The following BTRC variants were observed in gnomAD, a reference collection of about 807,000 sequenced individuals.
The protein encoded by BTRC is F-box/WD repeat-containing protein 1A.
In BTRC, 42 loss-of-function variants were observed where a neutral mutation model predicts 85.5. That is an observed-to-expected ratio of 0.49 (90% confidence interval 0.38 to 0.64). BTRC has a LOEUF of 0.64. Ranked by LOEUF, BTRC falls within the 30% of genes least tolerant of loss-of-function variation. BTRC has a pLI of 0.00. For synonymous variants in BTRC, 255 were observed against 263.3 expected (o/e 0.97, Z 0.30); for missense variants, 594 against 743.5 (o/e 0.80, Z 2.34).
At chr10:101,398,758 T>C (rs1368787319) in intron 1 of BTRC, among the ~76,000 whole-genome samples, 4 of 152,162 alleles carry the variant, frequency 2.6e-5, no homozygotes, top group Non-Finnish European at 4.4e-5. Context: ...TGTAAACTCG[T>C]CAGTTATAAG....
intron 1 of BTRC, among the ~76,000 whole-genome samples, chr10:101,413,812 T>C (rs1943849942): frequency 6.6e-6 from 1 of 152,240 alleles, no homozygotes; most frequent in South Asian, 2.1e-4. Flanking sequence ...ATTTCAACTT[T>C]CGTGTTTTTT....
At chr10:101,531,376 A>T (rs1206283266) in intron 7 of BTRC, 43 bp downstream of exon 7, 8 of 1,396,124 alleles carry the variant, frequency 5.7e-6, no homozygotes, top group Non-Finnish European at 7.1e-6. Flanking sequence ...AGGGCACAGA[A>T]TTATCAGCAT....
At chr10:101,523,830 A>G (rs193224182) in intron 5 of BTRC, among the ~76,000 whole-genome samples, 13 of 152,302 alleles carry the variant, frequency 8.5e-5, no homozygotes, top group Admixed American at 2.0e-4. Context: ...TGAAGCACAT[A>G]TTATTTAACC....
chr10:101,512,661 A>G (rs982523401), intron 4 of BTRC, among the ~76,000 whole-genome samples: 1 of 152,210 alleles, frequency 6.6e-6, no homozygotes, highest in African/African-American at 2.4e-5. Context: ...CTCCTGGCCC[A>G]GGCTGCAGCT....
intron 1 of BTRC, chr10:101,354,447 G>C (rs2134450017): frequency 1.8e-6 from 1 of 550,542 alleles, no homozygotes; most frequent in African/African-American, 2.0e-5. Context: ...TTGTGGATGA[G>C]AGGCCAAGTG....
chr10:101,375,072 AC>A (rs1942754462), intron 1 of BTRC, among the ~76,000 whole-genome samples: 1 of 152,060 alleles, frequency 6.6e-6, no homozygotes, highest in Non-Finnish European at 1.5e-5. Context: ...ACGCAGGGGA[AC>A]TTAGCAAGGG....
intron 1 of BTRC, among the ~76,000 whole-genome samples, chr10:101,385,207 GA>G (rs113587011): frequency 2.7e-5 from 4 of 148,264 alleles, no homozygotes; most frequent in Non-Finnish European, 4.5e-5. Flanking sequence ...CTAAAAAAAA[GA>G]AAAAAAAAAT....
intron 1 of BTRC, among the ~76,000 whole-genome samples, chr10:101,417,028 A>G (rs572446667): frequency 3.3e-5 from 5 of 151,852 alleles, no homozygotes; most frequent in Non-Finnish European, 7.4e-5. Context: ...TTCATAAACC[A>G]CTTGAGAATA....
chr10:101,470,007 ATT>A (rs1181572172), intron 3 of BTRC, among the ~76,000 whole-genome samples: 4 of 152,218 alleles, frequency 2.6e-5, no homozygotes, highest in African/African-American at 9.6e-5. Flanking sequence ...CATTTCCATC[ATT>A]ATAAGTGAAG....
intron 1 of BTRC, among the ~76,000 whole-genome samples, chr10:101,418,564 A>G (rs764257625): frequency 6.6e-5 from 10 of 152,130 alleles, no homozygotes; most frequent in Non-Finnish European, 1.0e-4. Context: ...TCCCAAAATG[A>G]CAGCATGATA....
chr10:101,476,826 G>C (rs1177932693), intron 3 of BTRC, among the ~76,000 whole-genome samples: 1 of 152,124 alleles, frequency 6.6e-6, no homozygotes, highest in Non-Finnish European at 1.5e-5. Context: ...TGTTGGTTTT[G>C]AGTGTCTTAA....
At chr10:101,538,795 C>A (rs1192164111) in intron 13 of BTRC, among the ~76,000 whole-genome samples, 1 of 152,124 alleles carries the variant, frequency 6.6e-6, no homozygotes, top group Admixed American at 6.6e-5. Flanking sequence ...TGCCTATTAT[C>A]CCAGCACTTT....
At chr10:101,423,349 T>C (rs1488406096) in intron 1 of BTRC, among the ~76,000 whole-genome samples, 1 of 152,254 alleles carries the variant, frequency 6.6e-6, no homozygotes, top group African/African-American at 2.4e-5. Flanking sequence ...TAGTTTGTTA[T>C]ACAGAGAATG....
chr10:101,535,541 C>T lies in BTRC; in HGVS notation c.1466+69C>T, dbSNP rs1018222232. On this transcript the variant is annotated intron_variant, in intron 11 of 14. Coordinates refer to ENST00000370187, the MANE Select transcript of BTRC (RefSeq NM_033637.4). ...TCCCATTCATTATTAATGCACAGAT[C>T]ATACAAGTCTTCAATTTTGTTATGT... is the stretch of plus-strand genomic sequence containing the variant. 5 of 1,032,076 alleles carry T rather than the reference C, an allele frequency of 4.8e-6. No individual in the cohort carries two copies. In the African/African-American group the frequency reaches 8.2e-5, roughly 17 times the overall value. 63.9% of individuals were successfully genotyped at this position (1,032,076 alleles called of 1,614,324 possible).
intron 8 of BTRC, among the ~76,000 whole-genome samples, chr10:101,532,641 C>G (rs1211751862): frequency 6.6e-6 from 1 of 152,098 alleles, no homozygotes; most frequent in East Asian, 1.9e-4. Flanking sequence ...GTTAAATTCT[C>G]TTCTTGAAAT....
intron 1 of BTRC, among the ~76,000 whole-genome samples, chr10:101,411,332 A>G (rs1003173870): frequency 6.6e-6 from 1 of 152,084 alleles, no homozygotes; most frequent in Non-Finnish European, 1.5e-5. Context: ...GGGTTGGTCT[A>G]TTATCATTCT....
rs1554883061 is a variant in BTRC at position 101,467,345 on chromosome 10, T to TTC, written c.234+5287_234+5288insTC. Among the ~76,000 whole-genome samples the TTC allele has an allele frequency of 1.2e-3, 175 of 145,904 alleles. 1 individual carries two copies. The highest frequency in any genetic ancestry group is 1.8e-3 in the African/African-American group (73 of 40,212). On this transcript the variant is annotated intron_variant, in intron 3 of 14. Coordinates refer to ENST00000370187, the MANE Select transcript of BTRC (RefSeq NM_033637.4). ...GCAGGCAGGGTTTTTTTTTTTTTTT[T>TTC]CTCTCTATTTGTTTTAGGTTAGTCA... is the stretch of plus-strand genomic sequence containing the variant.
At chr10:101,360,886 G>T (rs964080042) in intron 1 of BTRC, among the ~76,000 whole-genome samples, 4 of 152,090 alleles carry the variant, frequency 2.6e-5, no homozygotes, top group African/African-American at 9.7e-5. Context: ...GCTCCCTGCA[G>T]CCTCAAACTC....
At chr10:101,372,970 A>G (rs1942682377) in intron 1 of BTRC, among the ~76,000 whole-genome samples, 1 of 152,158 alleles carries the variant, frequency 6.6e-6, no homozygotes, top group African/African-American at 2.4e-5. Flanking sequence ...AGATCTTAAC[A>G]CTATTGAGTT....
Sources: allele counts gnomAD v4.1 joint callset (sites outside exome capture counted in the v4.1 genomes callset), GRCh38; gene constraint gnomAD v4.1.1; transcripts MANE v1.5; gene names NCBI Gene and HGNC (gene_info 2026-07-23, HGNC 2026-07-21).